The following ZNF106 variants were observed in gnomAD, a reference collection of about 807,000 sequenced individuals.
ZNF106 encodes zinc finger protein 106, also known as SH3-domain binding protein 3.
In ZNF106, 67 loss-of-function variants were observed where a neutral mutation model predicts 195.1. The ratio of observed to expected loss-of-function variants is 0.34; its 90% CI spans 0.28 to 0.42. The LOEUF is 0.42. Ranked by LOEUF, ZNF106 falls within the 10% of genes least tolerant of loss-of-function variation. The pLI is 1.00. For missense variants in ZNF106, 2,118 were observed against 2,304.5 expected (o/e 0.92, Z 1.66); for synonymous variants, 784 against 818.6 (o/e 0.96, Z 0.72).
chr15:42,482,537 T>G lies in ZNF106; in HGVS notation c.-33+8443A>C, dbSNP rs1386217480. Among the ~76,000 whole-genome samples the G allele has an allele frequency of 4.3e-5, 6 of 140,996 alleles. No homozygotes were observed. The East Asian group carries it at 1.2e-3, about 28-fold the overall frequency. The allele number at this position is 140,996 out of a possible 152,430, so 92.5% of individuals were successfully genotyped here. A position where few individuals can be genotyped will look rare whatever the true frequency, so the allele number is the denominator to read the frequency against. On this transcript the variant is annotated intron_variant, in intron 1 of 21. Transcript: ENST00000564754. ...GAAATCTCCAGTTTTTTTTTTTTTT[T>G]TTTTTTTTTGAGATGGAGTCTCACT...
At chr15:42,472,700 A>G (rs945861644) in intron 1 of ZNF106, among the ~76,000 whole-genome samples, 1 of 152,182 alleles carries the variant, frequency 6.6e-6, no homozygotes, top group South Asian at 2.1e-4. Context: ...GATTCTTAGA[A>G]TAAGATTCTT....
rs766078770 is a variant in ZNF106 at position 42,438,679 on chromosome 15, T to A, written c.4545-12A>T. On this transcript the variant is annotated splice_polypyrimidine_tract_variant and intron_variant, in intron 11 of 21. Transcript: ENST00000564754. ...GAGTTTCTGCCACACTACAAAATAA[T>A]AGCAAAAGTGTTCTCAGCATCTGTG... 3.7e-6 allele frequency: 6 copies of A among 1,612,810 alleles called. No individual in the cohort carries two copies. The highest frequency in any genetic ancestry group is 5.1e-6 in the Non-Finnish European group (6 of 1,179,240).
At chr15:42,447,229 G>C (rs1481826071) in intron 6 of ZNF106, among the ~76,000 whole-genome samples, 2 of 152,130 alleles carry the variant, frequency 1.3e-5, no homozygotes, top group Non-Finnish European at 2.9e-5. Context: ...TATTAAATGA[G>C]AGAAGCCCAG....
chr15:42,481,342 GTTT>G (rs10706782), intron 1 of ZNF106, among the ~76,000 whole-genome samples: 2 of 119,536 alleles, frequency 1.7e-5, no homozygotes, highest in African/African-American at 3.0e-5. Flanking sequence ...TATTCTTTCT[GTTT>G]TTTTTTTTGT....
rs184806038 is a variant in ZNF106, at chr15:42,457,151, T to G, written c.124A>C (p.Ser42Arg). The stretch of plus-strand genomic sequence containing the variant: ...ACCCCGCACACTCGGCACTCATGAC[T>G]AATGTCCCTAGGGAAAGAGGGAGAT... ...ELENLKGRDI[S>R]HECRVCGVTE... Residue 42 changes from serine (S) to arginine (R), a missense_variant, in exon 4 of 22, where the codon AGT becomes CGT. Coordinates refer to ENST00000564754, the MANE Select transcript of ZNF106 (RefSeq NM_001366845.3). 37 of 1,614,180 alleles carry G rather than the reference T, an allele frequency of 2.3e-5. No individual in the cohort carries two copies. In the East Asian group the frequency reaches 8.0e-4, roughly 35 times the overall value.
intron 1 of ZNF106, among the ~76,000 whole-genome samples, chr15:42,478,523 T>C (rs1047415261): frequency 6.6e-5 from 9 of 135,422 alleles, no homozygotes; most frequent in African/African-American, 2.5e-4. Flanking sequence ...TTTTTTTTTT[T>C]TTTTTTTTTT....
intron 14 of ZNF106, among the ~76,000 whole-genome samples, chr15:42,432,894 AG>A (rs1265715095): frequency 6.6e-6 from 1 of 151,968 alleles, no homozygotes; most frequent in Non-Finnish European, 1.5e-5. Context: ...CAAAAATAAA[AG>A]TGTGTCTCTT....
intron 11 of ZNF106, 80 bp downstream of exon 11, chr15:42,438,953 C>T: frequency 6.7e-7 from 1 of 1,482,424 alleles, no homozygotes; most frequent in Non-Finnish European, 9.0e-7. Flanking sequence ...TAAAGAAATT[C>T]TGATTCATAA....
chr15:42,479,551 C>T (rs1055807141), intron 1 of ZNF106, among the ~76,000 whole-genome samples: 1 of 151,676 alleles, frequency 6.6e-6, no homozygotes, highest in Non-Finnish European at 1.5e-5. Context: ...TTTTTAAAGA[C>T]AGGGTCTCGG....
rs957510549 is a variant in ZNF106, at chr15:42,486,435, A to T, written c.-33+4545T>A. ...CTACTATACTTGGTCAATTTTTAAAATTTTTTGTAGAGACAGGGTCTCGCT... is the reference window on the plus strand; with the variant it reads ...CTACTATACTTGGTCAATTTTTAAATTTTTTTGTAGAGACAGGGTCTCGCT... On this transcript the variant is annotated intron_variant, in intron 1 of 21. Transcript: ENST00000564754. Among the ~76,000 whole-genome samples, 5 of 151,906 alleles carry T rather than the reference A, an allele frequency of 3.3e-5. No individual in the cohort carries two copies. In the South Asian group the frequency reaches 8.3e-4, roughly 25 times the overall value.
rs1201933445 is a variant in ZNF106 at position 42,437,136 on chromosome 15, A to G, written c.4746+96T>C. ...CAATCTCAGGCCCACCCCTTCCTTC[A>G]GACAGCCAACAAATTCCCTTTATTG... On this transcript the variant is annotated intron_variant, in intron 13 of 21. Transcript: ENST00000564754. 3.0e-5 allele frequency: 41 copies of G among 1,365,004 alleles called. No homozygotes were observed. The East Asian group carries it at 4.4e-4, about 14-fold the overall frequency. 84.6% of individuals were successfully genotyped at this position (1,365,004 alleles called of 1,614,324 possible).
At chr15:42,441,952 G>A (rs1595457549) in intron 10 of ZNF106, 121 bp downstream of exon 10, 2 of 690,616 alleles carry the variant, frequency 2.9e-6, no homozygotes, top group East Asian at 2.6e-5. Context: ...GAATTCCAGT[G>A]ACAAATTAGT....
chr15:42,442,509 G>T (rs1001858134), intron 9 of ZNF106, 95 bp from the exon 10 acceptor site: 4 of 1,028,622 alleles, frequency 3.9e-6, no homozygotes, highest in Admixed American at 2.7e-5. Context: ...CATTAGAAAA[G>T]AATTATAAAT....
intron 14 of ZNF106, among the ~76,000 whole-genome samples, chr15:42,434,714 AGAG>A (rs759586615): frequency 1.3e-5 from 2 of 152,026 alleles, no homozygotes; most frequent in Non-Finnish European, 2.9e-5. Context: ...AAAAACTCTC[AGAG>A]GAGATGTCCA....
rs963417263 is a variant in ZNF106, at chr15:42,415,011, A to C, written c.*2293T>G. 1.3e-5 allele frequency: 2 copies of C among 153,112 alleles called. No individual in the cohort carries two copies. The highest frequency in any genetic ancestry group is 4.8e-5 in the African/African-American group (2 of 41,454). 9.5% of individuals were successfully genotyped at this position (153,112 alleles called of 1,614,324 possible). On this transcript the variant is annotated 3_prime_UTR_variant, in exon 22 of 22. Transcript: ENST00000564754. ...CTCTGTTCTCCATTAAGCATCATGT[A>C]AATCTCACTAGTGTGGTTAACAAAA...
At chr15:42,468,020 T>C (rs76309741) in intron 2 of ZNF106, among the ~76,000 whole-genome samples, 2,152 of 151,120 alleles carry the variant, frequency 0.014, 53 homozygotes, top group African/African-American at 0.05. Flanking sequence ...CACTGTTACT[T>C]AAAGTTATCT....
intron 1 of ZNF106, among the ~76,000 whole-genome samples, chr15:42,473,345 T>G (rs2056719956): frequency 6.6e-6 from 1 of 152,200 alleles, no homozygotes; most frequent in Non-Finnish European, 1.5e-5. Flanking sequence ...GAAAACCTAG[T>G]CTTTGCCATG....
Position 42,451,441 on chromosome 15 carries a change from A to G in ZNF106, c.831T>C (p.Cys277=). The G allele has an allele frequency of 6.2e-7, 1 of 1,614,130 alleles. No homozygotes were observed. The highest frequency in any genetic ancestry group is 8.5e-7 in the Non-Finnish European group (1 of 1,180,024). The change falls in exon 5 of 22, where the codon TGT becomes TGC. Residue 277 remains cysteine (C), a synonymous_variant. Transcript: ENST00000564754. The part of the protein sequence containing the change: ...FQPGRNRNSN[C]QMEDMTMLWN... ...ATAGCATAGTCATGTCTTCCATTTGACAGTTAGAATTTCTGTTTCTGCCTG... is the reference window on the plus strand; with the variant it reads ...ATAGCATAGTCATGTCTTCCATTTGGCAGTTAGAATTTCTGTTTCTGCCTG...
chr15:42,480,640 C>CT, intron 1 of ZNF106, among the ~76,000 whole-genome samples: 1 of 152,094 alleles, frequency 6.6e-6, no homozygotes, highest in Non-Finnish European at 1.5e-5. Flanking sequence ...CCAGTGGTTG[C>CT]TTTTAGGAAT....
Sources: allele counts gnomAD v4.1 joint callset (sites outside exome capture counted in the v4.1 genomes callset), GRCh38; gene constraint gnomAD v4.1.1; transcripts MANE v1.5; gene names NCBI Gene and HGNC (gene_info 2026-07-23, HGNC 2026-07-21).